Variants in CSF2RB observed in about 807,000 individuals in gnomAD.
The protein encoded by CSF2RB is colony stimulating factor 2 receptor subunit beta.
In CSF2RB, 22 loss-of-function variants were observed where a neutral mutation model predicts 67.2. The observed-to-expected ratio is 0.33, with a 90% confidence interval of 0.23 to 0.47. CSF2RB has a LOEUF of 0.47. Among genes scored for constraint, CSF2RB ranks in the 20% least tolerant of loss-of-function variants. The pLI, the probability that CSF2RB is intolerant of heterozygous loss-of-function variation, is 1.00. For missense variants in CSF2RB, 1,113 were observed against 1,174.5 expected, an observed-to-expected ratio of 0.95 and a Z score of 0.76; for synonymous variants, 507 against 482.9, an observed-to-expected ratio of 1.05 and a Z score of -0.65.
rs1485085416 is a variant in CSF2RB at position 36,937,269 on chromosome 22, A to G, written c.1569-108A>G. 2 of 1,357,710 alleles carry G rather than the reference A, an allele frequency of 1.5e-6. No individual in the cohort carries two copies. Among genetic ancestry groups the G allele is most frequent in the Non-Finnish European group, 2.1e-6 (2 of 970,574 alleles). 84.1% of individuals were successfully genotyped at this position (1,357,710 alleles called of 1,614,324 possible). ...AGGTTCTCTCTGTGAGATCTGGGGG[A>G]CATCAGGGCTTCCAGAGAACCATCT... is the stretch of plus-strand genomic sequence containing the variant. On this transcript the variant is annotated intron_variant, in intron 13 of 13. Coordinates refer to ENST00000403662, the MANE Select transcript of CSF2RB (RefSeq NM_000395.3). The surrounding 1 kb of genome is among the most constrained non-coding windows in gnomAD (Gnocchi z 4.6).
At chr22:36,924,935 C>T (rs1316079521) in intron 3 of CSF2RB, among the ~76,000 whole-genome samples, 3 of 152,164 alleles carry the variant, frequency 2.0e-5, no homozygotes, top group Non-Finnish European at 4.4e-5. Flanking sequence ...CCCCTCAGGC[C>T]CCTGGGGCAT....
At position 36,938,522 on chromosome 22, in the gene CSF2RB, G is replaced by A. The variant is rs1430588874; in HGVS notation, c.*20G>A. Reference sequence around the variant, plus strand: ...TGTTGAGACCCCCAGGCCTAGACAGGCAAGGGGATGGAGAGGGCTTGCCTT... The same window carrying A: ...TGTTGAGACCCCCAGGCCTAGACAGACAAGGGGATGGAGAGGGCTTGCCTT... On this transcript the variant is annotated 3_prime_UTR_variant, in exon 14 of 14. Transcript: ENST00000403662. 2 of 1,598,026 alleles carry A rather than the reference G, an allele frequency of 1.3e-6. No individual in the cohort carries two copies. The highest frequency in any genetic ancestry group is 1.7e-6 in the Non-Finnish European group (2 of 1,170,558).
At chr22:36,916,676 G>A (rs748298311) in intron 1 of CSF2RB, among the ~76,000 whole-genome samples, 7 of 152,000 alleles carry the variant, frequency 4.6e-5, no homozygotes, top group Admixed American at 2.0e-4. Context: ...TGGCCAACAC[G>A]GTGAAACCCC....
At chr22:36,925,465 G>A (rs532741056) in intron 3 of CSF2RB, among the ~76,000 whole-genome samples, 4 of 152,154 alleles carry the variant, frequency 2.6e-5, no homozygotes, top group South Asian at 2.1e-4. Context: ...CCACTCACTC[G>A]CAGTGAGATC....
intron 2 of CSF2RB, chr22:36,922,624 C>T (rs529879672): frequency 1.7e-4 from 76 of 456,180 alleles, no homozygotes; most frequent in African/African-American, 1.1e-3. Flanking sequence ...TTCCCACCTC[C>T]GGGACTTTGC....
rs1476565458 is a variant in CSF2RB at position 36,929,882 on chromosome 22, T to C, written c.718+75T>C. 4.0e-5 allele frequency: 62 copies of C among 1,541,312 alleles called. 1 individual carries two copies. Among genetic ancestry groups the C allele is most frequent in the Non-Finnish European group, 4.1e-5 (47 of 1,139,854 alleles). ...ATCAGGAGCTCCTGGCACAGCAGGGTTCCTGGGCTCCACCTGGGGGCTTCC... is the reference window on the plus strand; with the variant it reads ...ATCAGGAGCTCCTGGCACAGCAGGGCTCCTGGGCTCCACCTGGGGGCTTCC... On this transcript the variant is annotated intron_variant, in intron 6 of 13. Transcript: ENST00000403662.
chr22:36,930,266 T>C (rs1941119449), intron 6 of CSF2RB, 109 bp from the exon 7 acceptor site: 5 of 1,501,458 alleles, frequency 3.3e-6, no homozygotes, highest in Non-Finnish European at 4.6e-6. Flanking sequence ...CCCTGGTCTT[T>C]TGGCCCCAGA....
rs1408281972 is a variant in CSF2RB at position 36,923,200 on chromosome 22, C to G, written c.77-44C>G. 6 of 1,613,800 alleles carry G rather than the reference C, an allele frequency of 3.7e-6. No homozygotes were observed. In the Admixed American group the frequency reaches 1.0e-4, roughly 27 times the overall value. On this transcript the variant is annotated intron_variant, in intron 2 of 13. Transcript: ENST00000403662. ...AGCTGGGGGTGATGGTGACAAGGGT[C>G]CCTGCAGGAAAGAGAGGTGACCCCC...
chr22:36,938,668 C>A lies in CSF2RB; in HGVS notation c.*166C>A. ...CCGGCCCCCTTGACCTTCAGCAAAT[C>A]ACTTCTCTCCCTGCGCTCACACAGA... On this transcript the variant is annotated 3_prime_UTR_variant, in exon 14 of 14. Coordinates refer to ENST00000403662, the MANE Select transcript of CSF2RB (RefSeq NM_000395.3). 1 of 661,156 alleles carries A rather than the reference C, an allele frequency of 1.5e-6. No homozygotes were observed. Among genetic ancestry groups the A allele is most frequent in the Non-Finnish European group, 2.5e-6 (1 of 393,522 alleles). The allele number at this position is 661,156 out of a possible 1,614,324, so 41.0% of individuals were successfully genotyped here.
Position 36,936,661 on chromosome 22 carries a change from G to A in CSF2RB, c.1568+9G>A. On this transcript the variant is annotated intron_variant, in intron 13 of 13. Transcript: ENST00000403662. Reference sequence around the variant, plus strand: ...TTCCCTGAGCTGGAGGGGTGAGTGGGCTCGTGGATCACTCCTGACCTTTGG... The same window carrying A: ...TTCCCTGAGCTGGAGGGGTGAGTGGACTCGTGGATCACTCCTGACCTTTGG... 7 of 1,606,160 alleles carry A rather than the reference G, an allele frequency of 4.4e-6. No homozygotes were observed. Among genetic ancestry groups the A allele is most frequent in the South Asian group, 2.2e-5 (2 of 90,928 alleles).
Position 36,930,516 on chromosome 22 carries a change from C to T in CSF2RB, c.854+6C>T. The T allele has an allele frequency of 6.2e-7, 1 of 1,613,234 alleles. No individual in the cohort carries two copies. The highest frequency in any genetic ancestry group is 8.5e-7 in the Non-Finnish European group (1 of 1,180,028). ...AAGCCCAGCCCAGATGCAGGGTGAGCATCTTTTTTCTCCATCCCCTCCCCT... is the reference window on the plus strand; with the variant it reads ...AAGCCCAGCCCAGATGCAGGGTGAGTATCTTTTTTCTCCATCCCCTCCCCT... On this transcript the variant is annotated splice_donor_region_variant and intron_variant, in intron 7 of 13. Transcript: ENST00000403662.
Position 36,937,753 on chromosome 22 carries a change from G to A in CSF2RB, c.1945G>A (p.Gly649Arg), listed in dbSNP as rs768269766. 2 of 1,571,094 alleles carry A rather than the reference G, an allele frequency of 1.3e-6. No homozygotes were observed. Among genetic ancestry groups the A allele is most frequent in the South Asian group, 1.2e-5 (1 of 86,542 alleles). The change falls in exon 14 of 14, where the codon GGA (glycine) becomes AGA (arginine). Residue 649 changes from glycine to arginine, a missense_variant. Coordinates refer to ENST00000403662, the MANE Select transcript of CSF2RB (RefSeq NM_000395.3). The surrounding 1 kb of genome is among the most constrained non-coding windows in gnomAD (Gnocchi z 4.6). ...CCCTCTGGCCCAGGCGATGGGACCA[G>A]GACAGGCCGTGGAAGTGGAGAGAAG... ...LVPLAQAMGPGQAVEVERRPS... is the reference protein window; with the variant it reads ...LVPLAQAMGPRQAVEVERRPS...
chr22:36,929,470 G>GTGGA lies in CSF2RB; in HGVS notation c.463_464insATGG (p.Ala155AspfsTer19). 2 of 1,614,216 alleles carry GTGGA rather than the reference G, an allele frequency of 1.2e-6. No homozygotes were observed. Among genetic ancestry groups the GTGGA allele is most frequent in the Non-Finnish European group, 1.7e-6 (2 of 1,180,040 alleles). ...GGACCACTTCCTGCTGACCTGGAGT[G>GTGGA]TGGCCCTTGGGAGTCCCCAGAGCCA... On this transcript the variant is annotated frameshift_variant, in exon 5 of 14. Transcript: ENST00000403662. LOFTEE classifies it high-confidence loss of function.
At chr22:36,919,482 A>C (rs1319540698) in intron 1 of CSF2RB, among the ~76,000 whole-genome samples, 1 of 150,634 alleles carries the variant, frequency 6.6e-6, no homozygotes, top group Non-Finnish European at 1.5e-5. Flanking sequence ...GCTCACTGCA[A>C]CCTCCACCTC....
At position 36,926,005 on chromosome 22, in the gene CSF2RB, G is replaced by A. The variant is rs1941007516; in HGVS notation, c.219G>A (p.Val73=). 2 of 1,614,100 alleles carry A rather than the reference G, an allele frequency of 1.2e-6. No individual in the cohort carries two copies. Among genetic ancestry groups the A allele is most frequent in the Admixed American group, 3.3e-5 (2 of 60,004 alleles). Residue 73 remains valine (V), a synonymous_variant, in exon 4 of 14, where the codon GTG becomes GTA. Coordinates refer to ENST00000403662, the MANE Select transcript of CSF2RB (RefSeq NM_000395.3). Reference sequence around the variant, plus strand: ...CCAACAGGGACCTCCTGGAGCCAGTGTCCTGTGACCTCAGTGATGACATGC... The same window carrying A: ...CCAACAGGGACCTCCTGGAGCCAGTATCCTGTGACCTCAGTGATGACATGC... The part of the protein sequence containing the change: ...RRVNEDLLEP[V]SCDLSDDMPW...
At position 36,932,776 on chromosome 22, in the gene CSF2RB, C is replaced by T; in HGVS notation, c.1024C>T (p.Pro342Ser). 3 of 1,613,786 alleles carry T rather than the reference C, an allele frequency of 1.9e-6. No individual in the cohort carries two copies. Among genetic ancestry groups the T allele is most frequent in the Non-Finnish European group, 2.5e-6 (3 of 1,179,942 alleles). ...IKSSVNIQMA[P>S]PSLNVTKDGD... is the part of the protein sequence containing the mutation. ...TTCCCTCCCTCCAGTCCAGATGGCC[C>T]CTCCATCCCTCAACGTGACCAAGGA... The change falls in exon 9 of 14, where the codon CCT becomes TCT. Residue 342 changes from proline to serine, a missense_variant. This residue lies in a region of CSF2RB where 559 missense variants were observed against 656.5 expected (regional missense o/e 0.85). Transcript: ENST00000403662.
At chr22:36,935,265 G>A in intron 10 of CSF2RB, 86 bp from the exon 11 acceptor site, 1 of 1,281,006 alleles carries the variant, frequency 7.8e-7, no homozygotes, top group Non-Finnish European at 1.1e-6. Context: ...GGGTCTTAAG[G>A]AATACTGCAC....
rs540244614 is a variant in CSF2RB at position 36,922,062 on chromosome 22, G to C, written c.-146G>C. On this transcript the variant is annotated 5_prime_UTR_variant, in exon 2 of 14. Coordinates refer to ENST00000403662, the MANE Select transcript of CSF2RB (RefSeq NM_000395.3). ...CCTGGAGGAGGCAGAGGCCAGGAGG[G>C]AGAGGTCCCAAGAGCCTGTGAAATG... 4.3e-6 allele frequency: 3 copies of C among 701,012 alleles called. No homozygotes were observed. Among genetic ancestry groups the C allele is most frequent in the African/African-American group, 3.5e-5 (2 of 57,216 alleles). The allele number at this position is 701,012 out of a possible 1,614,324, so 43.4% of individuals were successfully genotyped here. A position where few individuals can be genotyped will look rare whatever the true frequency, so the allele number is the denominator to read the frequency against.
At chr22:36,935,309 G>T (rs201184574) in intron 10 of CSF2RB, 42 bp from the exon 11 acceptor site, 1 of 1,598,898 alleles carries the variant, frequency 6.3e-7, no homozygotes, top group Non-Finnish European at 8.6e-7. Flanking sequence ...TCGATTTCCC[G>T]CCCAGATGCT....
Sources: gnomAD v4.1 joint callset for allele counts (sites outside exome capture counted in the v4.1 genomes callset) on GRCh38, gnomAD v4.1.1 for gene constraint, gnomAD v4.1.1 regional missense constraint, Gnocchi (gnomAD v3.1) non-coding constraint, MANE v1.5 for transcripts, NCBI Gene and HGNC (gene_info 2026-07-23, HGNC 2026-07-21) for gene names.